The following SNTB1 variants were observed in gnomAD, a reference collection of about 807,000 sequenced individuals.
SNTB1 encodes the protein syntrophin beta 1.
SNTB1 carries 36 observed loss-of-function variants against 48.9 expected under a neutral mutation model. The ratio of observed to expected loss-of-function variants is 0.74; its 90% confidence interval spans 0.56 to 0.97. SNTB1 has a LOEUF of 0.97. Ranked by LOEUF, SNTB1 falls within the 50% of genes least tolerant of loss-of-function variation. The pLI, the probability that SNTB1 is intolerant of heterozygous loss-of-function variation, is 0.00. For missense variants in SNTB1, 786 were observed against 703.4 expected (o/e 1.12, Z -1.33); for synonymous variants, 299 against 294.6 (o/e 1.01, Z -0.15).
intron 4 of SNTB1, among the ~76,000 whole-genome samples, chr8:120,563,867 T>C (rs1295781192): frequency 1.3e-5 from 2 of 152,092 alleles, no homozygotes; most frequent in Middle Eastern, 3.2e-3. Context: ...CTCAGCACTT[T>C]GGGAGGCCAA....
At chr8:120,651,313 A>G (rs891296005) in intron 2 of SNTB1, among the ~76,000 whole-genome samples, 2 of 152,218 alleles carry the variant, frequency 1.3e-5, no homozygotes, top group Admixed American at 1.3e-4. Flanking sequence ...CTTTAGGGAA[A>G]GATGCATGAG....
rs374996097 is a variant in SNTB1, at chr8:120,812,043, G to A, written c.-200C>T. 5.6e-6 allele frequency: 7 copies of A among 1,252,720 alleles called. No homozygotes were observed. The African/African-American group carries it at 6.3e-5, about 11-fold the overall frequency. 77.6% of individuals were successfully genotyped at this position (1,252,720 alleles called of 1,614,324 possible). On this transcript the variant is annotated 5_prime_UTR_variant, in exon 1 of 7. Transcript: ENST00000517992. ...GCTGCACTCAGGCTGGTTCCCCCTC[G>A]CCTGATCCTGACCGGGGTGGAGCAA...
At chr8:120,759,852 A>C (rs1245193935) in intron 1 of SNTB1, among the ~76,000 whole-genome samples, 1 of 150,102 alleles carries the variant, frequency 6.7e-6, no homozygotes, top group South Asian at 2.1e-4. Context: ...AAATGTGAGG[A>C]TCCTCTCCAG....
At chr8:120,649,900 G>A (rs1170638498) in intron 2 of SNTB1, among the ~76,000 whole-genome samples, 7 of 151,836 alleles carry the variant, frequency 4.6e-5, no homozygotes, top group Admixed American at 1.3e-4. Context: ...TCGGAAAAGC[G>A]CAGTATTCGG....
chr8:120,540,971 A>G (rs979668140), intron 6 of SNTB1, among the ~76,000 whole-genome samples: 10 of 152,212 alleles, frequency 6.6e-5, no homozygotes, highest in Non-Finnish European at 1.2e-4. Context: ...GCCAGTGGCT[A>G]GGGAAGACCT....
chr8:120,654,824 C>A (rs747890465), intron 2 of SNTB1: 1 of 349,490 alleles, frequency 2.9e-6, no homozygotes, highest in South Asian at 2.2e-5. Flanking sequence ...CCTCCTACTA[C>A]GAAATTAATA....
rs529566182 is a variant in SNTB1 at position 120,785,563 on chromosome 8, T to C, written c.571+25710A>G. On this transcript the variant is annotated intron_variant, in intron 1 of 6. Coordinates refer to ENST00000517992, the MANE Select transcript of SNTB1 (RefSeq NM_021021.4). ...CCTGAGAACTGCCCTCTGATCCCCA[T>C]TGGGGCTGCTGCTTGAGCCCGCACA... Among the ~76,000 whole-genome samples the C allele has an allele frequency of 2.7e-4, 41 of 152,338 alleles. No individual in the cohort carries two copies. In the South Asian group the frequency reaches 6.2e-3, roughly 23 times the overall value.
At chr8:120,767,481 C>T (rs1819546145) in intron 1 of SNTB1, among the ~76,000 whole-genome samples, 1 of 152,336 alleles carries the variant, frequency 6.6e-6, no homozygotes, top group South Asian at 2.1e-4. Context: ...CTTGCTTATA[C>T]ACTCTTTAGA....
chr8:120,663,596 T>C (rs58568610), intron 2 of SNTB1, among the ~76,000 whole-genome samples: 1 of 152,068 alleles, frequency 6.6e-6, no homozygotes, highest in Non-Finnish European at 1.5e-5. Flanking sequence ...CATGAGCCAC[T>C]GCACCCGGCC....
chr8:120,602,177 T>C (rs1316681679), intron 3 of SNTB1, among the ~76,000 whole-genome samples: 1 of 152,228 alleles, frequency 6.6e-6, no homozygotes, highest in Non-Finnish European at 1.5e-5. Context: ...TTTTAACCCA[T>C]GACTCACAGT....
Position 120,811,946 on chromosome 8 carries a change from G to C in SNTB1, c.-103C>G, listed in dbSNP as rs918706232. ...GGGCCCGGGGGAGCGAGGAGAGTGC[G>C]TCCCGCGGGGAGGTGGCGGCACGCG... On this transcript the variant is annotated 5_prime_UTR_variant, in exon 1 of 7. Transcript: ENST00000517992. 5.5e-6 allele frequency: 7 copies of C among 1,273,612 alleles called. No homozygotes were observed. Among genetic ancestry groups the C allele is most frequent in the South Asian group, 5.5e-5 (2 of 36,142 alleles). The allele number at this position is 1,273,612 out of a possible 1,614,324, so 78.9% of individuals were successfully genotyped here. A position where few individuals can be genotyped will look rare whatever the true frequency, so the allele number is the denominator to read the frequency against.
At position 120,693,981 on chromosome 8, in the gene SNTB1, G is replaced by C. The variant is rs985142113; in HGVS notation, c.572-73C>G. 4 of 1,176,494 alleles carry C rather than the reference G, an allele frequency of 3.4e-6. No individual in the cohort carries two copies. The Admixed American group carries it at 7.0e-5, about 20-fold the overall frequency. The allele number at this position is 1,176,494 out of a possible 1,614,324, so 72.9% of individuals were successfully genotyped here. On this transcript the variant is annotated intron_variant, in intron 1 of 6. Coordinates refer to ENST00000517992, the MANE Select transcript of SNTB1 (RefSeq NM_021021.4). The stretch of plus-strand genomic sequence containing the variant: ...TTCTGGGAAGTCTGATTGTGTTTCT[G>C]AAATAGACTTGCTTTGGATAAGCTC...
chr8:120,775,366 A>C (rs1191317524), intron 1 of SNTB1: 1 of 152,188 alleles, frequency 6.6e-6, no homozygotes, highest in African/African-American at 2.4e-5. Flanking sequence ...ACTTGAGTTC[A>C]CTGTTGCGGT....
At chr8:120,711,839 T>C (rs910739352) in intron 1 of SNTB1, among the ~76,000 whole-genome samples, 2 of 152,224 alleles carry the variant, frequency 1.3e-5, no homozygotes, top group African/African-American at 2.4e-5. Context: ...TAGAGTAGTA[T>C]ATATTGTTTG....
chr8:120,565,120 A>T (rs1266126080), intron 4 of SNTB1, among the ~76,000 whole-genome samples: 1 of 145,778 alleles, frequency 6.9e-6, no homozygotes, highest in African/African-American at 2.5e-5. Flanking sequence ...GATGGATTTT[A>T]AAAGTTTTTT....
At chr8:120,788,876 C>T (rs1306556378) in intron 1 of SNTB1, among the ~76,000 whole-genome samples, 1 of 152,006 alleles carries the variant, frequency 6.6e-6, no homozygotes, top group Non-Finnish European at 1.5e-5. Context: ...TTAAACTGTA[C>T]TCTAGCTCAA....
chr8:120,732,942 A>T (rs975507449), intron 1 of SNTB1, among the ~76,000 whole-genome samples: 6 of 152,248 alleles, frequency 3.9e-5, no homozygotes, highest in African/African-American at 1.4e-4. Flanking sequence ...AGGAGTTTAT[A>T]CTTTGGGATA....
intron 1 of SNTB1, among the ~76,000 whole-genome samples, chr8:120,742,786 G>T (rs1819062540): frequency 6.6e-6 from 1 of 152,098 alleles, no homozygotes; most frequent in African/African-American, 2.4e-5. Context: ...CACAAAGAAG[G>T]TGCTAAACAC....
chr8:120,646,950 C>A (rs369411186), intron 2 of SNTB1, among the ~76,000 whole-genome samples: 2 of 151,760 alleles, frequency 1.3e-5, no homozygotes, highest in African/African-American at 2.4e-5. Context: ...AGTTTATTTG[C>A]GTAGAGGTGT....
Sources: gnomAD v4.1 joint callset for allele counts (sites outside exome capture counted in the v4.1 genomes callset) on GRCh38, gnomAD v4.1.1 for gene constraint, MANE v1.5 for transcripts, NCBI Gene and HGNC (gene_info 2026-07-23, HGNC 2026-07-21) for gene names.